Variants in PDLIM2 observed in about 807,000 individuals in gnomAD.
PDLIM2 encodes PDZ and LIM domain 2.
Under a neutral mutation model 54.1 loss-of-function variants are expected in PDLIM2, and 51 were observed. The observed-to-expected ratio is 0.94, with a 90% CI of 0.75 to 1.19. The LOEUF (loss-of-function observed/expected upper bound fraction) is 1.19. Among genes scored for constraint, PDLIM2 ranks in the 50% most tolerant of loss-of-function variants. The probability of loss-of-function intolerance (pLI) is 0.00; values close to 1 mark genes in which losing one functional copy is unlikely to be tolerated. For missense variants in PDLIM2, 912 were observed against 874.0 expected, an observed-to-expected ratio of 1.04 and a Z score of -0.55; for synonymous variants, 398 against 385.6, an observed-to-expected ratio of 1.03 and a Z score of -0.38.
At chr8:22,589,134 A>G (rs561222215) in intron 6 of PDLIM2, 164 bp from the exon 6 acceptor site, 1 of 548,022 alleles carries the variant, frequency 1.8e-6, no homozygotes, top group Non-Finnish European at 3.2e-6. Flanking sequence ...GAGGGCTGGG[A>G]GCCCCCGACA....
chr8:22,594,122 C>A (rs1800630963), exon 10 of PDLIM2: 3 of 1,427,116 alleles, frequency 2.1e-6, no homozygotes, highest in Non-Finnish European at 1.8e-6. Flanking sequence ...CCCTGCAGGA[C>A]TGGCATTGCA....
chr8:22,584,833 G>T, exon 4 of PDLIM2: 1 of 1,614,096 alleles, frequency 6.2e-7, no homozygotes, highest in African/African-American at 1.3e-5. Context: ...CTCAGGCTAC[G>T]TCTCCAGGGC....
At chr8:22,589,678 G>A in exon 8 of PDLIM2, 1 of 1,576,124 alleles carries the variant, frequency 6.3e-7, no homozygotes, top group South Asian at 1.2e-5. Context: ...CGAGGGACGG[G>A]CGGCCCCCCG....
At chr8:22,589,916 TCCGGGAG>T in intron 8 of PDLIM2, 175 bp downstream of exon 7, 6 of 362,420 alleles carry the variant, frequency 1.7e-5, no homozygotes, top group Middle Eastern at 5.8e-4. Flanking sequence ...GAGCTGACGG[TCCGGGAG>T]GGTCCGGGAG....
exon 4 of PDLIM2, chr8:22,584,877 C>T (rs752802805): frequency 1.7e-5 from 27 of 1,613,984 alleles, no homozygotes; most frequent in African/African-American, 9.3e-5. Flanking sequence ...GAAGTGCTGG[C>T]GACTCGCTTC....
chr8:22,590,453 A>T (rs1800510483), intron 8 of PDLIM2: 1 of 152,298 alleles, frequency 6.6e-6, no homozygotes, highest in Admixed American at 6.5e-5. Flanking sequence ...AGCTCCGTTC[A>T]TTGGGGCAGA....
At chr8:22,580,974 G>A (rs1177093494) in intron 2 of PDLIM2, 3 of 665,928 alleles carry the variant, frequency 4.5e-6, no homozygotes, top group Non-Finnish European at 5.7e-6. Context: ...AGCCATTTGG[G>A]GTGATTACTA....
chr8:22,583,699 G>A lies in PDLIM2; in HGVS notation c.996-1122G>A, dbSNP rs1002803513. Reference sequence around the variant, plus strand: ...GGAGAATTGCTTGAACCCAGGAGGTGGAGGTTGCAGTGAGCCGAGATTGCA... The same window carrying A: ...GGAGAATTGCTTGAACCCAGGAGGTAGAGGTTGCAGTGAGCCGAGATTGCA... On this transcript the variant is annotated intron_variant, in intron 3 of 9. Coordinates refer to ENST00000308354, the Ensembl canonical transcript of PDLIM2. 7.9e-5 allele frequency among the ~76,000 whole-genome samples: 12 copies of A among 151,916 alleles called. 1 individual carries two copies. The highest frequency in any genetic ancestry group is 2.9e-4 in the African/African-American group (12 of 41,418).
intron 9 of PDLIM2, chr8:22,593,514 T>A (rs997080272): frequency 1.9e-6 from 1 of 527,984 alleles, no homozygotes; most frequent in African/African-American, 2.0e-5. Context: ...AAGGTAGAGA[T>A]TGCTGTGAGC....
intron 3 of PDLIM2, among the ~76,000 whole-genome samples, chr8:22,584,375 C>G (rs920864228): frequency 6.6e-6 from 1 of 151,890 alleles, no homozygotes; most frequent in Non-Finnish European, 1.5e-5. Flanking sequence ...GTGGCACAAT[C>G]ACGGCTCACT....
At chr8:22,582,343 C>T (rs1800226825) in intron 3 of PDLIM2, among the ~76,000 whole-genome samples, 2 of 152,268 alleles carry the variant, frequency 1.3e-5, no homozygotes, top group East Asian at 1.9e-4. Flanking sequence ...CATTCAGGTC[C>T]CTGGGTGTTT....
intron 8 of PDLIM2, chr8:22,591,236 C>A: frequency 2.6e-6 from 1 of 383,954 alleles, no homozygotes. Context: ...TTGCCATCTC[C>A]AGTTATTATC....
At chr8:22,589,469 A>G in intron 7 of PDLIM2, 95 bp downstream of exon 6, 3 of 1,529,876 alleles carry the variant, frequency 2.0e-6, no homozygotes, top group Non-Finnish European at 2.6e-6. Context: ...GGGTCCCCCA[A>G]GCCCAGTTGG....
chr8:22,580,010 G>C, intron 1 of PDLIM2: 1 of 168,718 alleles, frequency 5.9e-6, no homozygotes, highest in Non-Finnish European at 1.3e-5. Context: ...AGAACGAGGT[G>C]GGCAGCTAGG....
rs551861465 is a variant in PDLIM2, at chr8:22,589,443, T to G, written c.1367+69T>G. On this transcript the variant is annotated intron_variant, in intron 7 of 9. Coordinates refer to ENST00000308354, the Ensembl canonical transcript of PDLIM2. ...TGGGAGGGGCAGGAGGGAGACGGGC[T>G]TCCCCGAGAGGGATGGGGTCCCCCA... 2.1e-3 allele frequency: 3,254 copies of G among 1,529,916 alleles called. 8 individuals carry two copies. The highest frequency in any genetic ancestry group is 2.6e-3 in the Non-Finnish European group (2,968 of 1,137,396). The allele number at this position is 1,529,916 out of a possible 1,614,324, so 94.8% of individuals were successfully genotyped here. A position where few individuals can be genotyped will look rare whatever the true frequency, so the allele number is the denominator to read the frequency against.
chr8:22,587,064 C>T (rs942667178), intron 6 of PDLIM2, among the ~76,000 whole-genome samples: 2 of 152,152 alleles, frequency 1.3e-5, no homozygotes, highest in African/African-American at 2.4e-5. Flanking sequence ...CTCATTCCTT[C>T]GGCAAATATT....
intron 6 of PDLIM2, chr8:22,589,083 C>A (rs1800456082): frequency 3.4e-6 from 2 of 591,818 alleles, no homozygotes; most frequent in Admixed American, 3.0e-5. Flanking sequence ...AGTCTCTGCG[C>A]CCTGGCTCCG....
chr8:22,578,777 G>C (rs1243848783), exon 1 of PDLIM2: 12 of 1,234,032 alleles, frequency 9.7e-6, no homozygotes, highest in Non-Finnish European at 1.2e-5. Context: ...CCAGGACCTG[G>C]GGATGCGGGG....
chr8:22,580,869 G>A (rs1800175975), intron 2 of PDLIM2, 172 bp downstream of exon 1: 2 of 777,574 alleles, frequency 2.6e-6, no homozygotes, highest in African/African-American at 3.4e-5. Flanking sequence ...GGATGTGGTG[G>A]CCACTTCAGG....
Sources: allele counts gnomAD v4.1 joint callset (sites outside exome capture counted in the v4.1 genomes callset), GRCh38; gene constraint gnomAD v4.1.1; transcripts MANE v1.5; gene names NCBI Gene and HGNC (gene_info 2026-07-23, HGNC 2026-07-21).